Variants in ERBB2 observed in about 807,000 individuals in gnomAD.
ERBB2 encodes erb-b2 receptor tyrosine kinase 2, also known as receptor tyrosine-protein kinase erbB-2.
Under a neutral mutation model 149.0 loss-of-function variants are expected in ERBB2, and 61 were observed. The observed-to-expected ratio is 0.41, with a 90% confidence interval of 0.33 to 0.51. The LOEUF (loss-of-function observed/expected upper bound fraction) is 0.51, where lower values mean the gene tolerates loss of function less well. Among genes scored for constraint, ERBB2 ranks in the 20% least tolerant of loss-of-function variants. The pLI, the probability that ERBB2 is intolerant of heterozygous loss-of-function variation, is 0.25. For missense variants in ERBB2, 1,205 were observed against 1,655.1 expected (o/e 0.73, Z 4.72); for synonymous variants, 633 against 678.8 (o/e 0.93, Z 1.05).
At position 39,712,078 on chromosome 17, in the gene ERBB2, C is replaced by T. The variant is rs374621897; in HGVS notation, c.1021+31C>T. The T allele has an allele frequency of 3.0e-5, 49 of 1,613,518 alleles. No homozygotes were observed. Among genetic ancestry groups the T allele is most frequent in the East Asian group, 1.1e-4 (5 of 44,886 alleles). On this transcript the variant is annotated intron_variant, in intron 8 of 26. Transcript: ENST00000269571. ...CACTCACTGCCCCCGAGGCCAGCTGCAGTTCCTGTCCCTCTGCGCATGCAG... is the reference window on the plus strand; with the variant it reads ...CACTCACTGCCCCCGAGGCCAGCTGTAGTTCCTGTCCCTCTGCGCATGCAG...
In ERBB2 at chr17:39,723,487, C is replaced by T. The variant is rs1049260048; in HGVS notation, c.2085+30C>T. 1 of 1,613,888 alleles carries T rather than the reference C, an allele frequency of 6.2e-7. No homozygotes were observed. The highest frequency in any genetic ancestry group is 1.3e-5 in the African/African-American group (1 of 75,052). On this transcript the variant is annotated intron_variant, in intron 17 of 26. Transcript: ENST00000269571. This position sits in a 1 kb window ranked among gnomAD's most constrained non-coding sequence, Gnocchi z 6.2. ...GGCGGGGTGAAGTCCTCCCAGCCCG[C>T]GTGGGGTCTGCACCGGCCCCCGGCA...
At position 39,700,157 on chromosome 17, in the gene ERBB2, C is replaced by CCACCCCTCGCAG. The variant is rs1222991897; in HGVS notation, c.-75_-64dup. ...CTTTACTGCGCCGCGCGCCCGGCCC[C>CCACCCCTCGCAG]CACCCCTCGCAGCACCCCGCGCCCC... On this transcript the variant is annotated 5_prime_UTR_variant, in exon 1 of 27. Transcript: ENST00000269571. 7.5e-7 allele frequency: 1 copy of CCACCCCTCGCAG among 1,330,366 alleles called. No individual in the cohort carries two copies. The highest frequency in any genetic ancestry group is 1.5e-5 in the African/African-American group (1 of 64,882). The allele number at this position is 1,330,366 out of a possible 1,614,324, so 82.4% of individuals were successfully genotyped here. A position where few individuals can be genotyped will look rare whatever the true frequency, so the allele number is the denominator to read the frequency against.
In ERBB2 at chr17:39,727,670, C is replaced by T. The variant is rs746685383; in HGVS notation, c.3413-19C>T. On this transcript the variant is annotated intron_variant, in intron 26 of 26. Transcript: ENST00000269571. This position sits in a 1 kb window ranked among gnomAD's most constrained non-coding sequence, Gnocchi z 4.3. ...CGGGGTTCCTTCCCCTAATGGGTCACCTTCTCTTGACCTTTCAGAATATGT... is the reference window on the plus strand; with the variant it reads ...CGGGGTTCCTTCCCCTAATGGGTCATCTTCTCTTGACCTTTCAGAATATGT... 2 of 1,544,384 alleles carry T rather than the reference C, an allele frequency of 1.3e-6. No individual in the cohort carries two copies. The highest frequency in any genetic ancestry group is 2.3e-5 in the East Asian group (1 of 44,366).
chr17:39,707,178 C>CA, intron 2 of ERBB2, 37 bp downstream of exon 2: 1 of 1,506,716 alleles, frequency 6.6e-7, no homozygotes, highest in South Asian at 1.3e-5. Context: ...GCCCTGCCTC[C>CA]AGCTGGGCTG....
Position 39,715,438 on chromosome 17 carries a change from G to A in ERBB2, c.1223-8G>A, listed in dbSNP as rs200818033. On this transcript the variant is annotated splice_polypyrimidine_tract_variant and splice_region_variant and intron_variant, in intron 10 of 26. Transcript: ENST00000269571. ...CCCCACTCCTTTAATCTCACCCTCT[G>A]CCTGCAGGTTACCTATACATCTCAG... The A allele has an allele frequency of 6.2e-6, 10 of 1,614,142 alleles. No homozygotes were observed. Among genetic ancestry groups the A allele is most frequent in the Non-Finnish European group, 7.6e-6 (9 of 1,180,000 alleles).
At chr17:39,716,864 T>G (rs1597875470) in intron 14 of ERBB2, 20 of 529,306 alleles carry the variant, frequency 3.8e-5, no homozygotes, top group Non-Finnish European at 2.4e-5. Context: ...TGGTGAGCCC[T>G]GTGGGCTCAG....
At position 39,708,440 on chromosome 17, in the gene ERBB2, C is replaced by A. The variant is rs200102353; in HGVS notation, c.345C>A (p.Ala115=). ...TCTTTGAGGACAACTATGCCCTGGC[C>A]GTGCTAGACAATGGAGACCCGCTGA... is the stretch of plus-strand genomic sequence containing the variant. ...TQLFEDNYAL[A]VLDNGDPLNN... Residue 115 remains alanine (A), a synonymous_variant, in exon 3 of 27, where the codon GCC becomes GCA. Coordinates refer to ENST00000269571, the MANE Select transcript of ERBB2 (RefSeq NM_004448.4). 6.2e-7 allele frequency: 1 copy of A among 1,614,092 alleles called. No homozygotes were observed. Among genetic ancestry groups the A allele is most frequent in the East Asian group, 2.2e-5 (1 of 44,894 alleles).
rs2059885557 is a variant in ERBB2, at chr17:39,728,184, AC to A, written c.*142del. The A allele has an allele frequency of 1.6e-6, 1 of 611,764 alleles. No homozygotes were observed. Among genetic ancestry groups the A allele is most frequent in the African/African-American group, 1.8e-5 (1 of 54,444 alleles). The allele number at this position is 611,764 out of a possible 1,614,324, so 37.9% of individuals were successfully genotyped here. ...CCATGCCAGGAACCTGTCCTAAGGA[AC>A]CTTCCTTCCTGCTTGAGTTCCCAGA... On this transcript the variant is annotated 3_prime_UTR_variant, in exon 27 of 27. Transcript: ENST00000269571.
intron 4 of ERBB2, 140 bp from the exon 5 acceptor site, chr17:39,709,673 C>T (rs2058679399): frequency 1.0e-6 from 1 of 959,170 alleles, no homozygotes; most frequent in East Asian, 2.6e-5. Flanking sequence ...GTTTGGGGGC[C>T]TCTCAGCCTG....
At chr17:39,709,947 A>AT in intron 5 of ERBB2, 66 bp downstream of exon 5, 1 of 1,533,310 alleles carries the variant, frequency 6.5e-7, no homozygotes, top group Non-Finnish European at 9.0e-7. Context: ...TGCAGGTGTC[A>AT]TACAGGTGAC....
chr17:39,698,975 GTCTT>G (rs1372018598), upstream of ERBB2, among the ~76,000 whole-genome samples: 2 of 147,154 alleles, frequency 1.4e-5, no homozygotes, highest in Non-Finnish European at 3.0e-5. Context: ...AAAAAAAAAA[GTCTT>G]CCTTCCATCC....
Position 39,716,118 on chromosome 17 carries a change from C to T in ERBB2, c.1513+179C>T, listed in dbSNP as rs2059109143. On this transcript the variant is annotated intron_variant, in intron 12 of 26. Transcript: ENST00000269571. ...GCATGGCTTCTCTAGCTGGGTCCTACCTGCCTTGGCATCCTTCCCTCCCCC... is the reference window on the plus strand; with the variant it reads ...GCATGGCTTCTCTAGCTGGGTCCTATCTGCCTTGGCATCCTTCCCTCCCCC... 4 of 958,126 alleles carry T rather than the reference C, an allele frequency of 4.2e-6. No homozygotes were observed. The South Asian group carries it at 5.1e-5, about 12-fold the overall frequency. The allele number at this position is 958,126 out of a possible 1,614,324, so 59.4% of individuals were successfully genotyped here.
upstream of ERBB2, among the ~76,000 whole-genome samples, chr17:39,697,815 T>C (rs1321693117): frequency 6.6e-6 from 1 of 151,882 alleles, no homozygotes; most frequent in Non-Finnish European, 1.5e-5. Context: ...TGCCTCAGCC[T>C]CCCGAGTAGC....
intron 15 of ERBB2, among the ~76,000 whole-genome samples, chr17:39,717,818 CACAT>C (rs762322132): frequency 6.6e-6 from 1 of 151,230 alleles, no homozygotes; most frequent in African/African-American, 2.4e-5. Context: ...CACACACACA[CACAT>C]ATGTATTTTT....
intron 14 of ERBB2, chr17:39,717,090 G>A (rs1167318402): frequency 4.0e-6 from 2 of 495,746 alleles, no homozygotes; most frequent in Non-Finnish European, 7.1e-6. Flanking sequence ...CTCTCTGGGT[G>A]CCTCCCATTT....
At chr17:39,722,353 A>T (rs866915111) in intron 16 of ERBB2, among the ~76,000 whole-genome samples, 4 of 152,258 alleles carry the variant, frequency 2.6e-5, no homozygotes, top group South Asian at 2.1e-4. Context: ...AAATAAAAAA[A>T]CTAGCTGAGT....
intron 1 of ERBB2, chr17:39,703,449 C>G (rs1314634801): frequency 2.0e-5 from 3 of 152,226 alleles, no homozygotes; most frequent in Non-Finnish European, 4.4e-5. Flanking sequence ...TGTACTCTTT[C>G]AAGGAGTGGG....
intron 16 of ERBB2, among the ~76,000 whole-genome samples, chr17:39,722,148 G>A (rs2059488232): frequency 6.6e-6 from 1 of 151,998 alleles, no homozygotes; most frequent in Non-Finnish European, 1.5e-5. Flanking sequence ...GAACTCGAGA[G>A]CTCAGGTGAT....
chr17:39,698,831 G>C (rs1358886762), upstream of ERBB2, among the ~76,000 whole-genome samples: 1 of 151,956 alleles, frequency 6.6e-6, no homozygotes, highest in Non-Finnish European at 1.5e-5. Context: ...TTCTTGGCTG[G>C]GGCATTCCAA....
Sources: gnomAD v4.1 joint callset for allele counts (sites outside exome capture counted in the v4.1 genomes callset) on GRCh38, gnomAD v4.1.1 for gene constraint, Gnocchi (gnomAD v3.1) non-coding constraint, MANE v1.5 for transcripts, NCBI Gene and HGNC (gene_info 2026-07-23, HGNC 2026-07-21) for gene names.